Variants in PDCD6 observed in about 807,000 individuals in gnomAD.
PDCD6 encodes programmed cell death protein 6.
PDCD6 carries 12 observed loss-of-function variants against 28.3 expected under a neutral mutation model. The ratio of observed to expected loss-of-function variants is 0.42; its 90% CI spans 0.27 to 0.69. The LOEUF (loss-of-function observed/expected upper bound fraction) is 0.69, where lower values mean the gene tolerates loss of function less well. PDCD6 is among the 30% of genes least tolerant of loss of function. The pLI is 0.22. For missense variants in PDCD6, 226 were observed against 269.9 expected (o/e 0.84, Z 1.14); for synonymous variants, 92 against 108.0 (o/e 0.85, Z 0.92).
In PDCD6 at chr5:304,690, G is replaced by C. The variant is rs887887002; in HGVS notation, c.208+469G>C. 6.4e-5 allele frequency: 10 copies of C among 156,922 alleles called. No homozygotes were observed. In the Admixed American group the frequency reaches 6.4e-4, roughly 10 times the overall value. 9.7% of individuals were successfully genotyped at this position (156,922 alleles called of 1,614,324 possible). On this transcript the variant is annotated intron_variant, in intron 3 of 5. Transcript: ENST00000264933. ...CTGTGTTTGAAGTCCTTGGGAGGGTGGTCTACAGCCAGATATTTTTCCTGC... is the reference window on the plus strand; with the variant it reads ...CTGTGTTTGAAGTCCTTGGGAGGGTCGTCTACAGCCAGATATTTTTCCTGC...
rs1902804 is a variant in PDCD6, at chr5:299,945, T to C, written c.164-4232T>C. Among the ~76,000 whole-genome samples, 4 of 151,858 alleles carry C rather than the reference T, an allele frequency of 2.6e-5. No individual in the cohort carries two copies. In the South Asian group the frequency reaches 6.2e-4, roughly 24 times the overall value. On this transcript the variant is annotated intron_variant, in intron 2 of 5. Transcript: ENST00000264933. Reference sequence around the variant, plus strand: ...GAGAAAAATCAGACCTCAGAAGCAGTACAGTGCCCTGTAAAGTACATGTCC... The same window carrying C: ...GAGAAAAATCAGACCTCAGAAGCAGCACAGTGCCCTGTAAAGTACATGTCC...
intron 2 of PDCD6, among the ~76,000 whole-genome samples, chr5:302,338 T>C (rs1740132777): frequency 6.9e-6 from 1 of 144,198 alleles, no homozygotes; most frequent in Non-Finnish European, 1.5e-5. Flanking sequence ...CCTGCCTTTG[T>C]GGGAAGGGCA....
At chr5:286,410 T>C (rs1162565993) in intron 2 of PDCD6, among the ~76,000 whole-genome samples, 2 of 151,918 alleles carry the variant, frequency 1.3e-5, no homozygotes, top group Non-Finnish European at 2.9e-5. Context: ...GCTGTGCAGC[T>C]GGAGGCCTAG....
chr5:306,510 G>A (rs1402418996), intron 3 of PDCD6, 92 bp from the exon 4 acceptor site: 18 of 1,414,112 alleles, frequency 1.3e-5, no homozygotes, highest in East Asian at 9.3e-5. Context: ...GTGGGGCCCC[G>A]CCAGGCTCTG....
At chr5:288,368 G>A (rs1248320541) in intron 2 of PDCD6, among the ~76,000 whole-genome samples, 2 of 148,748 alleles carry the variant, frequency 1.3e-5, no homozygotes, top group Non-Finnish European at 3.0e-5. Flanking sequence ...AATAAAATCT[G>A]GAAACCAGCA....
rs777531460 is a variant in PDCD6, at chr5:271,674, GTC to G, written c.-42_-41del. ...GGCGGAAGCGGAGTCGGCCTGAGAG[GTC>G]TCTCGTCGCTGCAGGCGCCTCAGCC... is the stretch of plus-strand genomic sequence containing the variant. On this transcript the variant is annotated 5_prime_UTR_variant, in exon 1 of 6. Coordinates refer to ENST00000264933, the MANE Select transcript of PDCD6 (RefSeq NM_013232.4). The G allele has an allele frequency of 4.4e-6, 5 of 1,124,674 alleles. No individual in the cohort carries two copies. In the African/African-American group the frequency reaches 6.3e-5, roughly 14 times the overall value. The allele number at this position is 1,124,674 out of a possible 1,614,324, so 69.7% of individuals were successfully genotyped here. A position where few individuals can be genotyped will look rare whatever the true frequency, so the allele number is the denominator to read the frequency against.
At chr5:278,322 A>G (rs940674923) in intron 2 of PDCD6, among the ~76,000 whole-genome samples, 2 of 152,118 alleles carry the variant, frequency 1.3e-5, no homozygotes, top group Non-Finnish European at 1.5e-5. Context: ...GAGATCAACA[A>G]AAATACCTGC....
At chr5:276,020 C>T in intron 2 of PDCD6, 1 of 1,283,204 alleles carries the variant, frequency 7.8e-7, no homozygotes, top group Non-Finnish European at 1.0e-6. Flanking sequence ...AGGATGAAGC[C>T]CCACCCGCCC....
At chr5:297,062 C>G (rs139687899) in intron 2 of PDCD6, among the ~76,000 whole-genome samples, 1 of 152,250 alleles carries the variant, frequency 6.6e-6, no homozygotes, top group South Asian at 2.1e-4. Flanking sequence ...GCGCTGGAGG[C>G]TCAGCCCACA....
intron 2 of PDCD6, among the ~76,000 whole-genome samples, chr5:274,882 C>T (rs1738088233): frequency 6.6e-6 from 1 of 152,210 alleles, no homozygotes; most frequent in African/African-American, 2.4e-5. Context: ...ATTTCAGCTG[C>T]TACTAAATAT....
chr5:272,963 C>A, intron 2 of PDCD6, 191 bp downstream of exon 2: 1 of 1,119,622 alleles, frequency 8.9e-7, no homozygotes, highest in Non-Finnish European at 1.3e-6. Flanking sequence ...TGGAGTGCCT[C>A]ACCGAGCCAG....
chr5:286,962 G>C (rs1257382433), intron 2 of PDCD6, among the ~76,000 whole-genome samples: 2 of 151,880 alleles, frequency 1.3e-5, no homozygotes, highest in South Asian at 2.1e-4. Flanking sequence ...ATACAGTGGG[G>C]AGCAGTGTTC....
At chr5:275,265 C>G (rs1738114292) in intron 2 of PDCD6, among the ~76,000 whole-genome samples, 1 of 152,188 alleles carries the variant, frequency 6.6e-6, no homozygotes, top group African/African-American at 2.4e-5. Flanking sequence ...CTGAATTGCC[C>G]TGGGAGATTT....
intron 2 of PDCD6, among the ~76,000 whole-genome samples, chr5:281,647 G>C (rs113515878): frequency 6.6e-6 from 1 of 152,244 alleles, no homozygotes; most frequent in East Asian, 1.9e-4. Context: ...GAGGGTTGTG[G>C]AGCTGGAGAC....
chr5:289,065 A>G (rs752173159), intron 2 of PDCD6: 18 of 1,299,754 alleles, frequency 1.4e-5, no homozygotes, highest in South Asian at 2.4e-5. Flanking sequence ...ATTTTCCTCA[A>G]AAGTCTCTTC....
intron 2 of PDCD6, among the ~76,000 whole-genome samples, chr5:277,912 C>CA (rs529926870): frequency 0.5 from 55,081 of 110,786 alleles, 13,847 homozygotes; most frequent in Non-Finnish European, 0.6. Context: ...GACTCCATCT[C>CA]AAAAAAAAAA....
intron 4 of PDCD6, chr5:309,972 C>T (rs1226875833): frequency 3.2e-5 from 7 of 216,326 alleles, no homozygotes; most frequent in Non-Finnish European, 5.5e-5. Context: ...CCCGTGCACA[C>T]CAGTGATGGC....
At chr5:281,611 G>A (rs1470698829) in intron 2 of PDCD6, among the ~76,000 whole-genome samples, 3 of 152,172 alleles carry the variant, frequency 2.0e-5, no homozygotes, top group Admixed American at 6.5e-5. Context: ...CTGGAGACCA[G>A]GGAGGAACTG....
intron 2 of PDCD6, chr5:290,327 C>T: frequency 8.0e-7 from 1 of 1,245,932 alleles, no homozygotes; most frequent in Non-Finnish European, 1.2e-6. Flanking sequence ...TCCATGGCTT[C>T]CTGGAGTCCC....
Sources: allele counts gnomAD v4.1 joint callset (sites outside exome capture counted in the v4.1 genomes callset), GRCh38; gene constraint gnomAD v4.1.1; transcripts MANE v1.5; gene names NCBI Gene and HGNC (gene_info 2026-07-23, HGNC 2026-07-21).